The following MYO10 variants were observed in gnomAD, a reference collection of about 807,000 sequenced individuals.
MYO10 encodes the protein unconventional myosin-X.
In MYO10, 133 loss-of-function variants were observed where a neutral mutation model predicts 257.3. The ratio of observed to expected loss-of-function variants is 0.52; its 90% confidence interval spans 0.45 to 0.60. The LOEUF (loss-of-function observed/expected upper bound fraction) is 0.60. Ranked by LOEUF, MYO10 falls within the 20% of genes least tolerant of loss-of-function variation. The pLI is 0.00. For missense variants in MYO10, 2,399 were observed against 2,635.7 expected (o/e 0.91, Z 1.97); for synonymous variants, 1,104 against 1,028.6 (o/e 1.07, Z -1.40).
chr5:16,810,243 T>C lies in MYO10; in HGVS notation c.279+7766A>G, dbSNP rs150865803. 2.0e-4 allele frequency among the ~76,000 whole-genome samples: 30 copies of C among 152,268 alleles called. No individual in the cohort carries two copies. The East Asian group carries it at 4.8e-3, about 25-fold the overall frequency. ...CTTGTTCTCACTCTGCTCAGGAGCT[T>C]CCAGGACGGTGCCACGTTTTCACAG... On this transcript the variant is annotated intron_variant, in intron 3 of 40. Transcript: ENST00000513610.
At chr5:16,848,306 GC>G (rs2126733340) in intron 2 of MYO10, among the ~76,000 whole-genome samples, 1 of 151,988 alleles carries the variant, frequency 6.6e-6, no homozygotes, top group South Asian at 2.1e-4. Flanking sequence ...TTACAGACAT[GC>G]GCCACTACGC....
At chr5:16,781,242 G>T (rs1267693874) in intron 6 of MYO10, among the ~76,000 whole-genome samples, 1 of 151,514 alleles carries the variant, frequency 6.6e-6, no homozygotes, top group East Asian at 2.0e-4. Flanking sequence ...ACCAAGCCTG[G>T]CTAATTTTTG....
intron 26 of MYO10, among the ~76,000 whole-genome samples, chr5:16,697,489 T>G (rs31578): frequency 6.6e-6 from 1 of 151,818 alleles, no homozygotes; most frequent in Non-Finnish European, 1.5e-5. Context: ...ATCACAAGGT[T>G]AGGAGTTCGA....
intron 31 of MYO10, 56 bp from the exon 32 acceptor site, chr5:16,681,559 C>A: frequency 1.3e-6 from 2 of 1,489,326 alleles, no homozygotes; most frequent in Non-Finnish European, 9.1e-7. Context: ...CCCCAAAGAC[C>A]ACACAATCAT....
intron 1 of MYO10, among the ~76,000 whole-genome samples, chr5:16,910,452 T>G (rs1487342321): frequency 6.6e-6 from 1 of 152,176 alleles, no homozygotes; most frequent in Non-Finnish European, 1.5e-5. Context: ...GTGTGACATC[T>G]ATAAAATGGG....
intron 19 of MYO10, among the ~76,000 whole-genome samples, chr5:16,712,638 T>C (rs1308013951): frequency 6.6e-6 from 1 of 152,210 alleles, no homozygotes; most frequent in Non-Finnish European, 1.5e-5. Context: ...GCTTTCAAAA[T>C]TGGCAAAAAA....
intron 3 of MYO10, among the ~76,000 whole-genome samples, chr5:16,808,197 T>G (rs1397842531): frequency 6.6e-6 from 1 of 152,204 alleles, no homozygotes; most frequent in East Asian, 1.9e-4. Flanking sequence ...GTGTAGTGAC[T>G]CATGCCTGTA....
intron 2 of MYO10, 132 bp from the exon 3 acceptor site, chr5:16,818,299 T>C (rs955180126): frequency 1.3e-6 from 1 of 768,078 alleles, no homozygotes; most frequent in Non-Finnish European, 2.0e-6. Flanking sequence ...ATCAAAAATA[T>C]ATCGCAAAAA....
At chr5:16,809,334 C>G (rs757843828) in intron 3 of MYO10, among the ~76,000 whole-genome samples, 1 of 152,202 alleles carries the variant, frequency 6.6e-6, no homozygotes, top group African/African-American at 2.4e-5. Context: ...GTGAGAGGCG[C>G]GCTGTGACTT....
At chr5:16,715,179 A>G (rs1164251256) in intron 19 of MYO10, among the ~76,000 whole-genome samples, 3 of 150,382 alleles carry the variant, frequency 2.0e-5, no homozygotes, top group Non-Finnish European at 4.4e-5. Flanking sequence ...AATTGAAGAC[A>G]TACCTATTGA....
At chr5:16,886,423 G>A (rs904273824) in intron 1 of MYO10, among the ~76,000 whole-genome samples, 3 of 152,154 alleles carry the variant, frequency 2.0e-5, no homozygotes, top group Admixed American at 2.0e-4. Flanking sequence ...GCTAATCCCA[G>A]GGGAAAATGT....
At position 16,906,414 on chromosome 5, in the gene MYO10, ACCCTGCC is replaced by A. The variant is rs201233992; in HGVS notation, c.22-28714_22-28708del. ...ATTCCTGGCTTCTACTCCCTAGATA[ACCCTGCC>A]CCTAGGTGTCACAAGCAAAAATAGC... On this transcript the variant is annotated intron_variant, in intron 1 of 40. Coordinates refer to ENST00000513610, the MANE Select transcript of MYO10 (RefSeq NM_012334.3). 1.3e-3 allele frequency among the ~76,000 whole-genome samples: 196 copies of A among 152,266 alleles called. 2 individuals are homozygous for A. The East Asian group carries it at 0.014, about 11-fold the overall frequency.
intron 4 of MYO10, among the ~76,000 whole-genome samples, 165 bp downstream of exon 4, chr5:16,794,481 T>C (rs556160920): frequency 1.6e-4 from 25 of 151,980 alleles, no homozygotes; most frequent in African/African-American, 6.0e-4. Context: ...AAGCTCCTTC[T>C]GAAAGCTGAA....
chr5:16,680,097 C>G lies in MYO10; in HGVS notation c.4392G>C (p.Trp1464Cys). 3.1e-6 allele frequency: 5 copies of G among 1,610,206 alleles called. No homozygotes were observed. Among genetic ancestry groups the G allele is most frequent in the Non-Finnish European group, 3.4e-6 (4 of 1,177,086 alleles). ...DEKIFKETGY[W>C]NVTVYGRKHC... ...GCTTGCGCCCGTACACGGTGACGTT[C>G]CAGTAGCCTGCAATGGCAGGGGTGC... Residue 1464 changes from tryptophan to cysteine, a missense_variant, in exon 33 of 41, where the codon TGG (tryptophan) becomes TGC (cysteine). Physicochemically the swap from Trp to Cys is radical, Grantham distance 215. Around this residue, in one of 3 missense-constraint regions of MYO10, gnomAD observed 1,820 missense variants for 1,939.4 expected, o/e 0.94. Coordinates refer to ENST00000513610, the MANE Select transcript of MYO10 (RefSeq NM_012334.3).
chr5:16,920,856 G>T (rs944113454), intron 1 of MYO10, among the ~76,000 whole-genome samples: 1 of 152,116 alleles, frequency 6.6e-6, no homozygotes, highest in Non-Finnish European at 1.5e-5. Context: ...GGTGGCTCAC[G>T]CCTGTAATCC....
intron 2 of MYO10, among the ~76,000 whole-genome samples, chr5:16,854,590 T>C (rs1404992679): frequency 6.6e-6 from 1 of 152,118 alleles, no homozygotes; most frequent in African/African-American, 2.4e-5. Flanking sequence ...GGTTACAGCG[T>C]TTCTATTTTA....
intron 18 of MYO10, among the ~76,000 whole-genome samples, chr5:16,755,438 T>C (rs1284014137): frequency 1.3e-5 from 2 of 152,236 alleles, no homozygotes; most frequent in South Asian, 2.1e-4. Flanking sequence ...GTGCTGGGAT[T>C]ACAGGCGTGA....
chr5:16,776,923 C>CA (rs983306233), intron 9 of MYO10, among the ~76,000 whole-genome samples: 1 of 151,820 alleles, frequency 6.6e-6, no homozygotes, highest in African/African-American at 2.4e-5. Context: ...TCTTTTATCA[C>CA]AAATTATTGT....
At chr5:16,732,168 G>C (rs1739610135) in intron 19 of MYO10, among the ~76,000 whole-genome samples, 1 of 152,058 alleles carries the variant, frequency 6.6e-6, no homozygotes, top group South Asian at 2.1e-4. Context: ...AATGGATACT[G>C]CAAATCAATT....
Sources: gnomAD v4.1 joint callset for allele counts (sites outside exome capture counted in the v4.1 genomes callset) on GRCh38, gnomAD v4.1.1 for gene constraint, gnomAD v4.1.1 regional missense constraint, MANE v1.5 for transcripts, NCBI Gene and HGNC (gene_info 2026-07-23, HGNC 2026-07-21) for gene names.